NDUFAF2: variants seen among roughly 807,000 people sequenced by gnomAD.
NDUFAF2 encodes NADH dehydrogenase [ubiquinone] 1 alpha subcomplex assembly factor 2.
In NDUFAF2, 13 loss-of-function variants were observed where a neutral mutation model predicts 22.8. The observed-to-expected ratio is 0.57, with a 90% CI of 0.37 to 0.91. The LOEUF (loss-of-function observed/expected upper bound fraction) is 0.91, where lower values mean the gene tolerates loss of function less well. NDUFAF2 is among the 40% of genes least tolerant of loss of function. The probability of loss-of-function intolerance (pLI) is 0.01; values close to 1 mark genes in which losing one functional copy is unlikely to be tolerated. For synonymous variants in NDUFAF2, 53 were observed against 64.2 expected, an observed-to-expected ratio of 0.83 and a Z score of 0.84; for missense variants, 162 against 195.2, an observed-to-expected ratio of 0.83 and a Z score of 1.01.
intron 1 of NDUFAF2, among the ~76,000 whole-genome samples, chr5:60,957,113 A>C (rs1342968617): frequency 6.6e-6 from 1 of 152,048 alleles, no homozygotes; most frequent in Non-Finnish European, 1.5e-5. Flanking sequence ...GTTGGATTTT[A>C]CCTTTTGTTC....
chr5:61,123,240 T>C (rs1393479167), intron 3 of NDUFAF2, among the ~76,000 whole-genome samples: 3 of 152,168 alleles, frequency 2.0e-5, no homozygotes, highest in African/African-American at 7.2e-5. Context: ...CTAACAGATA[T>C]GAACTCAAAA....
intron 1 of NDUFAF2, among the ~76,000 whole-genome samples, chr5:61,026,365 C>T (rs1751650391): frequency 6.6e-6 from 1 of 151,826 alleles, no homozygotes; most frequent in Non-Finnish European, 1.5e-5. Flanking sequence ...ATATAGACAG[C>T]CAGAGGGAAG....
intron 1 of NDUFAF2, among the ~76,000 whole-genome samples, chr5:61,035,104 T>C (rs1215997247): frequency 6.6e-6 from 1 of 151,342 alleles, no homozygotes; most frequent in East Asian, 1.9e-4. Context: ...TCTCACTCTG[T>C]CGCCCAGGCT....
At chr5:61,141,542 C>T (rs190779069) in intron 3 of NDUFAF2, among the ~76,000 whole-genome samples, 1 of 152,226 alleles carries the variant, frequency 6.6e-6, no homozygotes, top group East Asian at 1.9e-4. Context: ...TTACCCAGCT[C>T]TTCCCTATGG....
chr5:61,145,347 G>T (rs1444049220), intron 3 of NDUFAF2, among the ~76,000 whole-genome samples: 2 of 152,060 alleles, frequency 1.3e-5, no homozygotes, highest in African/African-American at 4.8e-5. Context: ...CTTGTTAAAG[G>T]CATTTAGATC....
intron 1 of NDUFAF2, among the ~76,000 whole-genome samples, chr5:61,006,828 A>T (rs1314795251): frequency 6.6e-6 from 1 of 152,066 alleles, no homozygotes; most frequent in Non-Finnish European, 1.5e-5. Flanking sequence ...TTGAGCTTTT[A>T]TTTACTTAAA....
chr5:61,062,797 A>C lies in NDUFAF2; in HGVS notation c.128-10328A>C, dbSNP rs117144773. Among the ~76,000 whole-genome samples, 4 of 152,310 alleles carry C rather than the reference A, an allele frequency of 2.6e-5. No individual in the cohort carries two copies. The East Asian group carries it at 7.7e-4, about 29-fold the overall frequency. Reference sequence around the variant, plus strand: ...AAAGTCAAAACCAGAATTGTAAAAGAAGCAAGAAAAAAGCATCAAGTCACA... The same window carrying C: ...AAAGTCAAAACCAGAATTGTAAAAGCAGCAAGAAAAAAGCATCAAGTCACA... On this transcript the variant is annotated intron_variant, in intron 1 of 3. Coordinates refer to ENST00000296597, the MANE Select transcript of NDUFAF2 (RefSeq NM_174889.5).
intron 1 of NDUFAF2, among the ~76,000 whole-genome samples, chr5:61,008,414 A>G (rs2112595998): frequency 6.6e-6 from 1 of 152,304 alleles, no homozygotes; most frequent in Non-Finnish European, 1.5e-5. Context: ...TAGCAAAGGC[A>G]TTTATTCACA....
intron 1 of NDUFAF2, among the ~76,000 whole-genome samples, chr5:60,953,391 A>C (rs1253346687): frequency 6.6e-6 from 1 of 152,140 alleles, no homozygotes; most frequent in African/African-American, 2.4e-5. Context: ...TGTTAAAACA[A>C]AGGCAAATGA....
chr5:61,125,248 T>C (rs1477497303), intron 3 of NDUFAF2, among the ~76,000 whole-genome samples: 1 of 152,146 alleles, frequency 6.6e-6, no homozygotes, highest in African/African-American at 2.4e-5. Context: ...CTCAAATAAT[T>C]GTTACCATTT....
chr5:60,986,301 AT>A (rs1163840317), intron 1 of NDUFAF2, among the ~76,000 whole-genome samples: 1 of 152,174 alleles, frequency 6.6e-6, no homozygotes, highest in Non-Finnish European at 1.5e-5. Flanking sequence ...TAAAAATGGA[AT>A]TTAATTTGGA....
chr5:60,983,762 C>G (rs1259560686), intron 1 of NDUFAF2, among the ~76,000 whole-genome samples: 1 of 150,786 alleles, frequency 6.6e-6, no homozygotes, highest in Non-Finnish European at 1.5e-5. Context: ...TGGTCTATAT[C>G]TCTGTTTTGG....
chr5:61,031,155 A>G (rs577796121), intron 1 of NDUFAF2, among the ~76,000 whole-genome samples: 27 of 151,928 alleles, frequency 1.8e-4, no homozygotes, highest in Non-Finnish European at 3.4e-4. Context: ...TCAAATCACT[A>G]TTATGTTTTC....
At chr5:61,096,494 G>T (rs1234896216) in intron 2 of NDUFAF2, among the ~76,000 whole-genome samples, 1 of 151,764 alleles carries the variant, frequency 6.6e-6, no homozygotes, top group Non-Finnish European at 1.5e-5. Flanking sequence ...AGCTACTCGG[G>T]GGGCTGAGAC....
chr5:61,146,467 G>A (rs1167925206), intron 3 of NDUFAF2: 4 of 152,006 alleles, frequency 2.6e-5, no homozygotes, highest in Admixed American at 2.0e-4. Flanking sequence ...GTAGATATTT[G>A]TGACAAATTC....
rs180828694 is a variant in NDUFAF2, at chr5:61,116,616, T to C, written c.258+17584T>C. 1.4e-3 allele frequency: 220 copies of C among 152,358 alleles called. 2 individuals are homozygous for C. Among genetic ancestry groups the C allele is most frequent in the African/African-American group, 5.1e-3 (213 of 41,594 alleles). 9.4% of individuals were successfully genotyped at this position (152,358 alleles called of 1,614,324 possible). A position where few individuals can be genotyped will look rare whatever the true frequency, so the allele number is the denominator to read the frequency against. On this transcript the variant is annotated intron_variant, in intron 3 of 3. Coordinates refer to ENST00000296597, the MANE Select transcript of NDUFAF2 (RefSeq NM_174889.5). Reference sequence around the variant, plus strand: ...GGTGCTTTCAACATTCTGACAGTTCTAGTCTAGAATTCTATACCTAGTTTT... The same window carrying C: ...GGTGCTTTCAACATTCTGACAGTTCCAGTCTAGAATTCTATACCTAGTTTT...
chr5:61,033,191 T>G (rs1751750610), intron 1 of NDUFAF2, among the ~76,000 whole-genome samples: 1 of 152,196 alleles, frequency 6.6e-6, no homozygotes, highest in South Asian at 2.1e-4. Context: ...CACTCATGAT[T>G]TGGCTCTCTG....
At chr5:60,996,929 C>T (rs1005684461) in intron 1 of NDUFAF2, among the ~76,000 whole-genome samples, 1 of 152,132 alleles carries the variant, frequency 6.6e-6, no homozygotes, top group African/African-American at 2.4e-5. Flanking sequence ...AAACCAAGTA[C>T]TATGAAAGCT....
chr5:61,126,931 C>G (rs975839584), intron 3 of NDUFAF2, among the ~76,000 whole-genome samples: 2 of 151,960 alleles, frequency 1.3e-5, no homozygotes, highest in Non-Finnish European at 2.9e-5. Context: ...CAAATAAACA[C>G]AATAAAAAAT....
Sources: allele counts gnomAD v4.1 joint callset (sites outside exome capture counted in the v4.1 genomes callset), GRCh38; gene constraint gnomAD v4.1.1; transcripts MANE v1.5; gene names NCBI Gene and HGNC (gene_info 2026-07-23, HGNC 2026-07-21).